SDC4: variants seen among roughly 807,000 people sequenced by gnomAD.
The protein encoded by SDC4 is syndecan-4.
Under a neutral mutation model 20.5 loss-of-function variants are expected in SDC4, and 17 were observed. The ratio of observed to expected loss-of-function variants is 0.83; its 90% CI spans 0.57 to 1.25. SDC4 has a LOEUF of 1.25. SDC4 is among the 50% of genes most tolerant of loss of function. The probability of loss-of-function intolerance (pLI) is 0.00; values close to 1 mark genes in which losing one functional copy is unlikely to be tolerated. For synonymous variants in SDC4, 107 were observed against 105.3 expected (o/e 1.02, Z -0.10); for missense variants, 241 against 252.3 (o/e 0.96, Z 0.30).
At chr20:45,339,708 C>T (rs1987927200) in intron 1 of SDC4, among the ~76,000 whole-genome samples, 1 of 152,184 alleles carries the variant, frequency 6.6e-6, no homozygotes, top group East Asian at 1.9e-4. Flanking sequence ...CCACTGCACT[C>T]CAGCCTGGGT....
At chr20:45,337,157 A>T (rs1007191120) in intron 1 of SDC4, among the ~76,000 whole-genome samples, 1 of 152,010 alleles carries the variant, frequency 6.6e-6, no homozygotes, top group Non-Finnish European at 1.5e-5. Flanking sequence ...TACCCTCAAG[A>T]GCACAGGAAA....
chr20:45,332,590 ATTTG>A (rs1041166806), intron 3 of SDC4, among the ~76,000 whole-genome samples: 17 of 151,944 alleles, frequency 1.1e-4, no homozygotes, highest in South Asian at 4.2e-4. Flanking sequence ...CTGGGGCCAG[ATTTG>A]TTTGTTTGTT....
At chr20:45,339,226 T>C (rs897063209) in intron 1 of SDC4, among the ~76,000 whole-genome samples, 3 of 152,160 alleles carry the variant, frequency 2.0e-5, no homozygotes, top group African/African-American at 7.2e-5. Context: ...ATAAAGCCCA[T>C]TGAGTCTGGG....
Position 45,327,076 on chromosome 20 carries a change from C to T in SDC4, c.*188G>A. ...TTTTTCTGCCAGGGCAACTGAGGCC[C>T]AAAGCTCAAGAAGAACCTGGCAGAA... On this transcript the variant is annotated 3_prime_UTR_variant, in exon 5 of 5. Transcript: ENST00000372733. 1 of 586,590 alleles carries T rather than the reference C, an allele frequency of 1.7e-6. No homozygotes were observed. The highest frequency in any genetic ancestry group is 1.8e-5 in the African/African-American group (1 of 54,070). 36.3% of individuals were successfully genotyped at this position (586,590 alleles called of 1,614,324 possible).
At chr20:45,341,888 C>A (rs1327003910) in intron 1 of SDC4, among the ~76,000 whole-genome samples, 1 of 152,164 alleles carries the variant, frequency 6.6e-6, no homozygotes, top group East Asian at 1.9e-4. Context: ...TTACTAACTC[C>A]CTGGATGATC....
intron 3 of SDC4, among the ~76,000 whole-genome samples, chr20:45,332,541 T>C (rs1210895011): frequency 2.6e-5 from 4 of 152,334 alleles, no homozygotes; most frequent in Non-Finnish European, 4.4e-5. Context: ...TGACTATCCC[T>C]GCAGGGAGGA....
chr20:45,339,671 T>C (rs553917971), intron 1 of SDC4, among the ~76,000 whole-genome samples: 2 of 152,188 alleles, frequency 1.3e-5, no homozygotes, highest in East Asian at 3.9e-4. Context: ...GCCCAGGAGG[T>C]CGAGGTTGCA....
At chr20:45,338,986 G>A (rs944717420) in intron 1 of SDC4, among the ~76,000 whole-genome samples, 2 of 152,080 alleles carry the variant, frequency 1.3e-5, no homozygotes, top group Non-Finnish European at 2.9e-5. Flanking sequence ...GAGGACACAG[G>A]GAATTAAATC....
intron 1 of SDC4, among the ~76,000 whole-genome samples, chr20:45,343,648 T>C (rs1987987475): frequency 6.6e-6 from 1 of 152,190 alleles, no homozygotes; most frequent in African/African-American, 2.4e-5. Flanking sequence ...CACCCTAGAT[T>C]TCTCCCTTCC....
intron 1 of SDC4, among the ~76,000 whole-genome samples, chr20:45,341,902 G>A (rs1230472238): frequency 6.6e-6 from 1 of 152,136 alleles, no homozygotes. Context: ...GATGATCGTG[G>A]ACAATTCCCT....
intron 1 of SDC4, among the ~76,000 whole-genome samples, chr20:45,343,693 A>AG (rs1014891876): frequency 4.6e-5 from 7 of 152,210 alleles, no homozygotes; most frequent in Non-Finnish European, 8.8e-5. Context: ...AAGGGGGATA[A>AG]GGGGGATGGA....
rs201133031 is a variant in SDC4, at chr20:45,326,184, C to G, written c.*1080G>C. On this transcript the variant is annotated 3_prime_UTR_variant, in exon 5 of 5. Coordinates refer to ENST00000372733, the MANE Select transcript of SDC4 (RefSeq NM_002999.4). ...CACAGACACAAATATCCCACCATCC[C>G]CTTCATTATATTTTGGGATCTGCTA... 1.4e-5 allele frequency: 2 copies of G among 146,058 alleles called. No homozygotes were observed. Among genetic ancestry groups the G allele is most frequent in the Non-Finnish European group, 3.1e-5 (2 of 64,700 alleles). 9.0% of individuals were successfully genotyped at this position (146,058 alleles called of 1,614,324 possible). A position where few individuals can be genotyped will look rare whatever the true frequency, so the allele number is the denominator to read the frequency against.
At chr20:45,331,838 C>T (rs1456192981) in intron 3 of SDC4, among the ~76,000 whole-genome samples, 1 of 152,148 alleles carries the variant, frequency 6.6e-6, no homozygotes, top group Non-Finnish European at 1.5e-5. Flanking sequence ...TAATCTACCC[C>T]TTGCTTAACA....
At chr20:45,336,178 G>A (rs370632009) in intron 1 of SDC4, among the ~76,000 whole-genome samples, 2 of 152,238 alleles carry the variant, frequency 1.3e-5, no homozygotes, top group South Asian at 2.1e-4. Context: ...TTTGGGAGGC[G>A]GAGGCAGGCA....
At chr20:45,333,857 A>G (rs897245552) in intron 2 of SDC4, among the ~76,000 whole-genome samples, 1 of 152,156 alleles carries the variant, frequency 6.6e-6, no homozygotes, top group African/African-American at 2.4e-5. Flanking sequence ...AATGTTTAAA[A>G]TGTTCTTATC....
chr20:45,348,244 C>G lies in SDC4; in HGVS notation c.60+81G>C, dbSNP rs1050349846. On this transcript the variant is annotated intron_variant, in intron 1 of 4. Coordinates refer to ENST00000372733, the MANE Select transcript of SDC4 (RefSeq NM_002999.4). The stretch of plus-strand genomic sequence containing the variant: ...AGCGTACCCCCGATCTGCCCCCCCC[C>G]ATCCCACGCTCCGACGAACAAAGGA... The G allele has an allele frequency of 3.0e-5, 35 of 1,174,344 alleles. 2 individuals are homozygous for G. Among genetic ancestry groups the G allele is most frequent in the Middle Eastern group, 3.9e-4 (2 of 5,156 alleles). The allele number at this position is 1,174,344 out of a possible 1,614,324, so 72.7% of individuals were successfully genotyped here.
At chr20:45,342,544 T>C (rs894825096) in intron 1 of SDC4, among the ~76,000 whole-genome samples, 5 of 152,218 alleles carry the variant, frequency 3.3e-5, no homozygotes, top group South Asian at 4.2e-4. Flanking sequence ...CCTCTTCTAC[T>C]GTGCCAGAGA....
intron 1 of SDC4, among the ~76,000 whole-genome samples, chr20:45,343,474 C>T (rs1288243262): frequency 6.6e-6 from 1 of 152,230 alleles, no homozygotes; most frequent in African/African-American, 2.4e-5. Context: ...CCTGCCCCCT[C>T]TCCCTCCAGG....
At chr20:45,348,149 GA>G (rs1311482437) in intron 1 of SDC4, among the ~76,000 whole-genome samples, 175 bp downstream of exon 1, 3 of 80 alleles carry the variant, frequency 0.037, no homozygotes, top group Non-Finnish European at 0.068. Flanking sequence ...AGCCATCCCG[GA>G]GGCTGGCCCG....
Sources: allele counts gnomAD v4.1 joint callset (sites outside exome capture counted in the v4.1 genomes callset), GRCh38; gene constraint gnomAD v4.1.1; transcripts MANE v1.5; gene names NCBI Gene and HGNC (gene_info 2026-07-23, HGNC 2026-07-21).